Variants in HRH1 observed in about 807,000 individuals in gnomAD.
HRH1 encodes histamine H1 receptor.
A neutral mutation model predicts 10.3 loss-of-function variants in HRH1; 6 were observed. The ratio of observed to expected loss-of-function variants is 0.58; its 90% CI spans 0.32 to 1.15. HRH1 has a LOEUF of 1.15. HRH1 is among the 50% of genes most tolerant of loss of function. HRH1 has a pLI of 0.05. For missense variants in HRH1, 514 were observed against 615.3 expected (o/e 0.84, Z 1.74); for synonymous variants, 242 against 236.7 (o/e 1.02, Z -0.21).
intron 1 of HRH1, among the ~76,000 whole-genome samples, chr3:11,245,225 C>T (rs1939446705): frequency 6.6e-6 from 1 of 152,134 alleles, no homozygotes; most frequent in Admixed American, 6.5e-5. Flanking sequence ...TGGTGCTGCA[C>T]ACCTGTAGTC....
chr3:11,232,428 A>C (rs1314885269), intron 1 of HRH1, among the ~76,000 whole-genome samples: 1 of 149,538 alleles, frequency 6.7e-6, no homozygotes, highest in Admixed American at 6.7e-5. Flanking sequence ...TCACCTGAGA[A>C]TATTTGTGTG....
chr3:11,215,502 A>G (rs1166563464), intron 1 of HRH1, among the ~76,000 whole-genome samples: 4 of 152,082 alleles, frequency 2.6e-5, no homozygotes, highest in South Asian at 2.1e-4. Context: ...GTGCAGTGGC[A>G]CGATCTCAGC....
At chr3:11,256,756 G>A (rs141609344) in intron 1 of HRH1, among the ~76,000 whole-genome samples, 190 of 152,054 alleles carry the variant, frequency 1.2e-3, no homozygotes, top group African/African-American at 4.3e-3. Context: ...CCGAGATCGC[G>A]CCATTGCACT....
chr3:11,201,983 A>T (rs1169914720), intron 1 of HRH1, among the ~76,000 whole-genome samples: 1 of 152,244 alleles, frequency 6.6e-6, no homozygotes, highest in Non-Finnish European at 1.5e-5. Context: ...GGCAGGCACC[A>T]GGACTGAAGA....
At chr3:11,212,379 G>A (rs957106957) in intron 1 of HRH1, among the ~76,000 whole-genome samples, 1 of 152,150 alleles carries the variant, frequency 6.6e-6, no homozygotes, top group Non-Finnish European at 1.5e-5. Flanking sequence ...GTGAGTCATT[G>A]CAGACGTTGG....
At chr3:11,251,946 A>G (rs1939664081) in intron 1 of HRH1, among the ~76,000 whole-genome samples, 1 of 152,236 alleles carries the variant, frequency 6.6e-6, no homozygotes, top group Non-Finnish European at 1.5e-5. Context: ...CAGGAAGCCT[A>G]CGGGTTGGGA....
At chr3:11,165,499 C>A (rs1937012995) in intron 1 of HRH1, among the ~76,000 whole-genome samples, 1 of 152,166 alleles carries the variant, frequency 6.6e-6, no homozygotes, top group Admixed American at 6.5e-5. Context: ...AAAACACACA[C>A]ACACGCAAGA....
rs1345300935 is a variant in HRH1, at chr3:11,261,674, T to TA, written c.*1178dup. 1 of 162,128 alleles carries TA rather than the reference T, an allele frequency of 6.2e-6. No individual in the cohort carries two copies. The highest frequency in any genetic ancestry group is 1.9e-4 in the East Asian group (1 of 5,188). The allele number at this position is 162,128 out of a possible 1,614,324, so 10.0% of individuals were successfully genotyped here. A position where few individuals can be genotyped will look rare whatever the true frequency, so the allele number is the denominator to read the frequency against. On this transcript the variant is annotated 3_prime_UTR_variant, in exon 2 of 2. Transcript: ENST00000431010. ...CAATATGGAGAAACCTTGTCTCTACTAAAAACACAAAAATTATCTGGGCAT... is the reference window on the plus strand; with the variant it reads ...CAATATGGAGAAACCTTGTCTCTACTAAAAAACACAAAAATTATCTGGGCAT...
At chr3:11,246,666 A>C (rs1939498571) in intron 1 of HRH1, among the ~76,000 whole-genome samples, 1 of 152,242 alleles carries the variant, frequency 6.6e-6, no homozygotes, top group African/African-American at 2.4e-5. Flanking sequence ...AAAATGCTAC[A>C]GTAATTTTTA....
intron 1 of HRH1, among the ~76,000 whole-genome samples, chr3:11,160,662 G>A (rs1936904350): frequency 6.6e-6 from 1 of 151,878 alleles, no homozygotes; most frequent in Admixed American, 6.6e-5. Context: ...TATATCTTTG[G>A]AGGCAGAGCC....
At position 11,234,827 on chromosome 3, in the gene HRH1, T is replaced by G. The variant is rs187852550; in HGVS notation, c.-35-24176T>G. Among the ~76,000 whole-genome samples the G allele has an allele frequency of 1.3e-4, 20 of 152,316 alleles. No homozygotes were observed. The East Asian group carries it at 3.3e-3, about 25-fold the overall frequency. Reference sequence around the variant, plus strand: ...TCCATTCTAAATTTCCATTGCTGCTTCTTTATATTTTCTGTTTCTTTGCTG... The same window carrying G: ...TCCATTCTAAATTTCCATTGCTGCTGCTTTATATTTTCTGTTTCTTTGCTG... On this transcript the variant is annotated intron_variant, in intron 1 of 1. Coordinates refer to ENST00000431010, the MANE Select transcript of HRH1 (RefSeq NM_001098212.2).
intron 1 of HRH1, among the ~76,000 whole-genome samples, chr3:11,208,315 G>A (rs1401979924): frequency 6.6e-6 from 1 of 152,052 alleles, no homozygotes; most frequent in Non-Finnish European, 1.5e-5. Context: ...ACTGCGCCCA[G>A]CTAATTTTTG....
intron 1 of HRH1, among the ~76,000 whole-genome samples, chr3:11,231,967 T>G (rs1174617153): frequency 6.6e-6 from 1 of 152,090 alleles, no homozygotes; most frequent in Admixed American, 6.6e-5. Context: ...ATTTTACACT[T>G]AATGGTCTGT....
intron 1 of HRH1, among the ~76,000 whole-genome samples, chr3:11,173,893 G>C (rs1937201429): frequency 6.6e-6 from 1 of 152,202 alleles, no homozygotes; most frequent in Admixed American, 6.5e-5. Context: ...AAAGAGTTGT[G>C]TTTCAGCCTC....
chr3:11,247,592 G>A lies in HRH1; in HGVS notation c.-35-11411G>A, dbSNP rs925002924. On this transcript the variant is annotated intron_variant, in intron 1 of 1. Coordinates refer to ENST00000431010, the MANE Select transcript of HRH1 (RefSeq NM_001098212.2). ...GGATTTGTCTGGACGTGGCAAAGGC[G>A]GGAAGGTTGTTTACCGAACAGGTAG... is the stretch of plus-strand genomic sequence containing the variant. Among the ~76,000 whole-genome samples, 9 of 152,252 alleles carry A rather than the reference G, an allele frequency of 5.9e-5. No homozygotes were observed. The East Asian group carries it at 1.5e-3, about 26-fold the overall frequency.
rs781430466 is a variant in HRH1 at position 11,260,522 on chromosome 3, A to C, written c.*21A>C. 5.8e-6 allele frequency: 9 copies of C among 1,550,738 alleles called. No individual in the cohort carries two copies. The highest frequency in any genetic ancestry group is 7.0e-6 in the Non-Finnish European group (8 of 1,148,048). On this transcript the variant is annotated 3_prime_UTR_variant, in exon 2 of 2. Transcript: ENST00000431010. ...CCTAAGGGAGGCTCTGAGGGGATGC[A>C]ACAAAATGATCCTTATGATGTCCAA... is the stretch of plus-strand genomic sequence containing the variant.
chr3:11,161,053 C>T (rs1297940601), intron 1 of HRH1, among the ~76,000 whole-genome samples: 1 of 152,116 alleles, frequency 6.6e-6, no homozygotes, highest in Non-Finnish European at 1.5e-5. Flanking sequence ...CTCCTCCTGC[C>T]CTGCCTGTGG....
chr3:11,179,495 C>G (rs900184645), intron 1 of HRH1, among the ~76,000 whole-genome samples: 3 of 151,216 alleles, frequency 2.0e-5, no homozygotes, highest in African/African-American at 7.3e-5. Context: ...TGGCGGGCGC[C>G]TGTAGTCCCA....
At chr3:11,191,365 G>A (rs1426092493) in intron 1 of HRH1, among the ~76,000 whole-genome samples, 1 of 152,168 alleles carries the variant, frequency 6.6e-6, no homozygotes, top group African/African-American at 2.4e-5. Context: ...AAGGGTCTTA[G>A]CGAAGGAAAT....
Sources: allele counts gnomAD v4.1 joint callset (sites outside exome capture counted in the v4.1 genomes callset), GRCh38; gene constraint gnomAD v4.1.1; transcripts MANE v1.5; gene names NCBI Gene and HGNC (gene_info 2026-07-23, HGNC 2026-07-21).